The following TTLL11 variants were observed in gnomAD, a reference collection of about 807,000 sequenced individuals.
The protein encoded by TTLL11 is tubulin tyrosine ligase like 11.
In TTLL11, 42 loss-of-function variants were observed where a neutral mutation model predicts 51.7. That is an observed-to-expected ratio of 0.81 (90% CI 0.64 to 1.05). TTLL11 has a LOEUF of 1.05. Ranked by LOEUF, TTLL11 falls within the 50% of genes least tolerant of loss-of-function variation. The probability of loss-of-function intolerance (pLI) is 0.00; values close to 1 mark genes in which losing one functional copy is unlikely to be tolerated. For synonymous variants in TTLL11, 381 were observed against 383.5 expected (o/e 0.99, Z 0.08); for missense variants, 799 against 940.4 (o/e 0.85, Z 1.97).
chr9:122,075,942 A>G (rs1303945616), intron 1 of TTLL11, among the ~76,000 whole-genome samples: 1 of 152,200 alleles, frequency 6.6e-6, no homozygotes, highest in African/African-American at 2.4e-5. Context: ...GAAGGTAGAA[A>G]AAAAAATCAG....
At chr9:121,976,782 T>C (rs1002846012) in intron 4 of TTLL11, among the ~76,000 whole-genome samples, 8 of 152,242 alleles carry the variant, frequency 5.3e-5, no homozygotes, top group Non-Finnish European at 1.0e-4. Context: ...ATCCTCACTC[T>C]ATTTTTCTTT....
chr9:121,869,937 A>G (rs1312506513), intron 7 of TTLL11, among the ~76,000 whole-genome samples: 1 of 152,258 alleles, frequency 6.6e-6, no homozygotes, highest in African/African-American at 2.4e-5. Flanking sequence ...TGCAGGCTGC[A>G]GCAAAGATAT....
intron 1 of TTLL11, among the ~76,000 whole-genome samples, chr9:122,075,191 A>T (rs1199466641): frequency 6.6e-6 from 1 of 152,232 alleles, no homozygotes; most frequent in Non-Finnish European, 1.5e-5. Context: ...TGTAAGTACT[A>T]TATTGATGAA....
chr9:121,825,110 A>G (rs1836709184), intron 8 of TTLL11, among the ~76,000 whole-genome samples: 1 of 152,234 alleles, frequency 6.6e-6, no homozygotes, highest in Non-Finnish European at 1.5e-5. Flanking sequence ...TCAAAGACAC[A>G]GGGGAGTAGG....
chr9:121,910,299 C>T (rs949396453), intron 6 of TTLL11, among the ~76,000 whole-genome samples: 8 of 152,204 alleles, frequency 5.3e-5, no homozygotes, highest in Admixed American at 5.2e-4. Flanking sequence ...TACACTCTTT[C>T]TCTCATGAGG....
In TTLL11 at chr9:122,030,776, CAA is replaced by C. The variant is rs35456581; in HGVS notation, c.693+945_693+946del. Among the ~76,000 whole-genome samples the C allele has an allele frequency of 6.7e-3, 463 of 69,328 alleles. 2 individuals carry two copies. Among genetic ancestry groups the C allele is most frequent in the African/African-American group, 0.019 (375 of 19,478 alleles). The allele number at this position is 69,328 out of a possible 152,430, so 45.5% of individuals were successfully genotyped here. A position where few individuals can be genotyped will look rare whatever the true frequency, so the allele number is the denominator to read the frequency against. On this transcript the variant is annotated intron_variant, in intron 3 of 8. Transcript: ENST00000321582. The stretch of plus-strand genomic sequence containing the variant: ...ATCTCTACCAAAAATACAAAAAATA[CAA>C]AAAAAAAAAAAAAAAAAGCCGGTGT...
intron 6 of TTLL11, among the ~76,000 whole-genome samples, chr9:121,941,215 G>A (rs1288485399): frequency 1.3e-5 from 2 of 152,134 alleles, no homozygotes; most frequent in Non-Finnish European, 2.9e-5. Context: ...AAGTCAATCC[G>A]CGTTCATCAC....
chr9:122,079,533 A>T (rs942861480), intron 1 of TTLL11, among the ~76,000 whole-genome samples: 1 of 151,652 alleles, frequency 6.6e-6, no homozygotes, highest in Non-Finnish European at 1.5e-5. Flanking sequence ...GACATGGTGA[A>T]ACCCCGTCTA....
chr9:121,817,474 G>T lies in TTLL11; in HGVS notation c.*5113C>A, dbSNP rs1293149163. 1.6e-4 allele frequency: 24 copies of T among 152,222 alleles called. No homozygotes were observed. Among genetic ancestry groups the T allele is most frequent in the Admixed American group, 1.5e-3 (23 of 15,280 alleles). The allele number at this position is 152,222 out of a possible 1,614,324, so 9.4% of individuals were successfully genotyped here. On this transcript the variant is annotated 3_prime_UTR_variant, in exon 9 of 9. Transcript: ENST00000321582. ...GTTTACAAAACACTTTCACATTGAT[G>T]ACATTTTCTGTGATCTCGTCTTATG...
intron 6 of TTLL11, among the ~76,000 whole-genome samples, chr9:121,887,728 G>A (rs1839065747): frequency 6.6e-6 from 1 of 152,220 alleles, no homozygotes; most frequent in Non-Finnish European, 1.5e-5. Flanking sequence ...GGCCAATGAA[G>A]CAAATGCTTC....
intron 3 of TTLL11, among the ~76,000 whole-genome samples, chr9:122,005,276 A>T (rs2131734182): frequency 6.6e-6 from 1 of 152,170 alleles, no homozygotes; most frequent in South Asian, 2.1e-4. Flanking sequence ...AACCCCTAAG[A>T]TTAGGTTATT....
chr9:122,087,574 C>A (rs912414508), intron 1 of TTLL11, among the ~76,000 whole-genome samples: 1 of 152,156 alleles, frequency 6.6e-6, no homozygotes, highest in Non-Finnish European at 1.5e-5. Context: ...CAACAAAGGT[C>A]CCGCTATGAA....
rs529676405 is a variant in TTLL11, at chr9:121,890,125, G to A, written c.1482-19377C>T. Among the ~76,000 whole-genome samples the A allele has an allele frequency of 1.3e-5, 2 of 152,176 alleles. No homozygotes were observed. The highest frequency in any genetic ancestry group is 4.8e-5 in the African/African-American group (2 of 41,442). On this transcript the variant is annotated intron_variant, in intron 6 of 8. Coordinates refer to ENST00000321582, the MANE Select transcript of TTLL11 (RefSeq NM_001139442.2). The surrounding 1 kb of genome is among the most constrained non-coding windows in gnomAD (Gnocchi z 4.3). ...GCTATAAACAAGGTGAACAGGGCAA[G>A]TTACTTTTCAGTTAGTCATTTTTCT...
intron 3 of TTLL11, among the ~76,000 whole-genome samples, chr9:122,009,049 A>G (rs1843729519): frequency 6.6e-6 from 1 of 152,242 alleles, no homozygotes; most frequent in African/African-American, 2.4e-5. Flanking sequence ...TTGGGGAGCT[A>G]TTTGTCAAAG....
At chr9:121,996,627 G>A (rs1248400351) in intron 3 of TTLL11, among the ~76,000 whole-genome samples, 1 of 152,224 alleles carries the variant, frequency 6.6e-6, no homozygotes, top group African/African-American at 2.4e-5. Flanking sequence ...ATTAGGGAAA[G>A]TATGTGAAAA....
In TTLL11 at chr9:121,868,506, C is replaced by T. The variant is rs149275842; in HGVS notation, c.1733+1991G>A. On this transcript the variant is annotated intron_variant, in intron 7 of 8. Coordinates refer to ENST00000321582, the MANE Select transcript of TTLL11 (RefSeq NM_001139442.2). ...TGTGTGGAGGCCTTTTTTCTTCCTC[C>T]CCTTCTTCCCCTTTCTGCCTGGAAC... Among the ~76,000 whole-genome samples the T allele has an allele frequency of 4.4e-3, 676 of 152,206 alleles. 5 individuals are homozygous for T. The highest frequency in any genetic ancestry group is 0.015 in the African/African-American group (628 of 41,532).
chr9:122,031,708 C>T lies in TTLL11; in HGVS notation c.693+15G>A, dbSNP rs757199227. 24 of 1,611,128 alleles carry T rather than the reference C, an allele frequency of 1.5e-5. No individual in the cohort carries two copies. In the East Asian group the frequency reaches 3.1e-4, roughly 21 times the overall value. ...TAATATAATTCAGGGGTCATGGGGACGGAGTGCCATCTACCTGAGCAACAA... is the reference window on the plus strand; with the variant it reads ...TAATATAATTCAGGGGTCATGGGGATGGAGTGCCATCTACCTGAGCAACAA... On this transcript the variant is annotated intron_variant, in intron 3 of 8. Transcript: ENST00000321582.
intron 3 of TTLL11, among the ~76,000 whole-genome samples, chr9:122,021,078 C>T (rs1255395507): frequency 1.3e-5 from 2 of 150,824 alleles, no homozygotes; most frequent in Non-Finnish European, 2.9e-5. Context: ...ACTCTTGCCC[C>T]GCATCGCTCG....
At position 122,092,872 on chromosome 9, in the gene TTLL11, G is replaced by C. The variant is rs1261425920; in HGVS notation, c.277C>G (p.Pro93Ala). 1.3e-6 allele frequency: 2 copies of C among 1,572,634 alleles called. No individual in the cohort carries two copies. Among genetic ancestry groups the C allele is most frequent in the African/African-American group, 1.4e-5 (1 of 73,892 alleles). ...RPPPTLPPSK[P>A]KPVQGLCPHG... ...GGGCAGAGGCCCTGCACCGGCTTCG[G>C]CTTGGACGGGGGCAGCGTGGGCGGC... The change falls in exon 1 of 9, where the codon CCG becomes GCG. Residue 93 changes from proline to alanine, a missense_variant. Physicochemically the swap from Pro to Ala is conservative, Grantham distance 27. Coordinates refer to ENST00000321582, the MANE Select transcript of TTLL11 (RefSeq NM_001139442.2).
Sources: gnomAD v4.1 joint callset for allele counts (sites outside exome capture counted in the v4.1 genomes callset) on GRCh38, gnomAD v4.1.1 for gene constraint, Gnocchi (gnomAD v3.1) non-coding constraint, MANE v1.5 for transcripts, NCBI Gene and HGNC (gene_info 2026-07-23, HGNC 2026-07-21) for gene names.